Variants in CCDC88C observed in about 807,000 individuals in gnomAD.
The protein encoded by CCDC88C is coiled-coil and HOOK domain protein 88C, also known as protein Daple.
Under a neutral mutation model 198.8 loss-of-function variants are expected in CCDC88C, and 131 were observed. The ratio of observed to expected loss-of-function variants is 0.66; its 90% CI spans 0.57 to 0.76. The LOEUF (loss-of-function observed/expected upper bound fraction) is 0.76, where lower values mean the gene tolerates loss of function less well. Ranked by LOEUF, CCDC88C falls within the 30% of genes least tolerant of loss-of-function variation. CCDC88C has a pLI of 0.00. For synonymous variants in CCDC88C, 1,166 were observed against 1,114.7 expected (o/e 1.05, Z -0.92); for missense variants, 2,553 against 2,631.6 (o/e 0.97, Z 0.65).
In CCDC88C at chr14:91,313,429, C is replaced by G. The variant is rs773601084; in HGVS notation, c.2387G>C (p.Arg796Pro). 1.4e-5 allele frequency: 23 copies of G among 1,607,434 alleles called. No individual in the cohort carries two copies. Among genetic ancestry groups the G allele is most frequent in the Non-Finnish European group, 1.7e-5 (20 of 1,179,650 alleles). Reference protein sequence around the residue: ...ESELGELEAERQALRRDLEAL... With the variant: ...ESELGELEAEPQALRRDLEAL... ...CTCCAGGTCCCGCCGCAGCGCCTGG[C>G]GCTCAGCCTCCAGCTCGCCCAGCTC... The change falls in exon 15 of 30, where the codon CGC becomes CCC. Residue 796 changes from arginine (R) to proline (P), a missense_variant. Physicochemically the swap from Arg to Pro is moderately radical, Grantham distance 103. Around this residue, in one of 2 missense-constraint regions of CCDC88C, gnomAD observed 1,260 missense variants for 1,412.0 expected, o/e 0.89. Transcript: ENST00000389857. The surrounding 1 kb of genome is among the most constrained non-coding windows in gnomAD (Gnocchi z 5.2).
chr14:91,324,081 C>T (rs946445736), intron 12 of CCDC88C, among the ~76,000 whole-genome samples: 1 of 152,274 alleles, frequency 6.6e-6, no homozygotes, highest in Admixed American at 6.5e-5. Flanking sequence ...ATCACGTGCA[C>T]GGGAACGGTG....
At chr14:91,301,077 C>T (rs573017528) in intron 20 of CCDC88C, among the ~76,000 whole-genome samples, 47 of 152,324 alleles carry the variant, frequency 3.1e-4, no homozygotes, top group African/African-American at 1.1e-3. Context: ...TAACCATTAG[C>T]AATGACCCAA....
At chr14:91,330,843 G>A (rs532129037) in intron 10 of CCDC88C, among the ~76,000 whole-genome samples, 7 of 152,260 alleles carry the variant, frequency 4.6e-5, no homozygotes, top group South Asian at 4.1e-4. Flanking sequence ...TCTGGGACTC[G>A]AGGGTCTATG....
At chr14:91,327,737 T>C (rs964935499) in intron 10 of CCDC88C, among the ~76,000 whole-genome samples, 3 of 152,066 alleles carry the variant, frequency 2.0e-5, no homozygotes, top group Non-Finnish European at 2.9e-5. Flanking sequence ...GGCCCAGCCT[T>C]TTCTCTCTGG....
At chr14:91,357,199 C>A (rs958835850) in intron 4 of CCDC88C, among the ~76,000 whole-genome samples, 3 of 152,178 alleles carry the variant, frequency 2.0e-5, no homozygotes, top group East Asian at 3.9e-4. Flanking sequence ...TCCCTATAAA[C>A]GGAAATGGGC....
chr14:91,288,946 C>A lies in CCDC88C; in HGVS notation c.4441+159G>T, dbSNP rs149262608. The A allele has an allele frequency of 5.0e-3, 3,034 of 602,474 alleles. 73 individuals carry two copies. Among genetic ancestry groups the A allele is most frequent in the African/African-American group, 0.05 (2,700 of 54,416 alleles). 37.3% of individuals were successfully genotyped at this position (602,474 alleles called of 1,614,324 possible). On this transcript the variant is annotated intron_variant, in intron 25 of 29. Coordinates refer to ENST00000389857, the MANE Select transcript of CCDC88C (RefSeq NM_001080414.4). The surrounding 1 kb of genome is among the most constrained non-coding windows in gnomAD (Gnocchi z 4.2). ...GCATTATGGGACAAAACGGTCGCCA[C>A]GCTGAATTTCTACTTGGCTCGTAAC...
intron 3 of CCDC88C, among the ~76,000 whole-genome samples, chr14:91,367,798 A>C (rs1332064175): frequency 6.6e-6 from 1 of 152,142 alleles, no homozygotes; most frequent in Admixed American, 6.5e-5. Flanking sequence ...CCTGAGCATC[A>C]AACTGAACTA....
rs12434475 is a variant in CCDC88C, at chr14:91,272,585, G to T, written c.*40C>A. 58 of 1,570,142 alleles carry T rather than the reference G, an allele frequency of 3.7e-5. No homozygotes were observed. The African/African-American group carries it at 5.7e-4, about 15-fold the overall frequency. On this transcript the variant is annotated 3_prime_UTR_variant, in exon 30 of 30. Coordinates refer to ENST00000389857, the MANE Select transcript of CCDC88C (RefSeq NM_001080414.4). ...AAAGGCCGTGAGAGTCGGAAGGCGC[G>T]TCAGTAGTTTTCAGGTTTGCGAGCT...
At chr14:91,388,787 C>T (rs139843180) in intron 3 of CCDC88C, among the ~76,000 whole-genome samples, 55 of 152,324 alleles carry the variant, frequency 3.6e-4, no homozygotes, top group African/African-American at 1.3e-3. Context: ...ATGTGAACTT[C>T]TCCCTTTGGG....
At chr14:91,405,184 T>C (rs1456974890) in intron 3 of CCDC88C, among the ~76,000 whole-genome samples, 1 of 152,046 alleles carries the variant, frequency 6.6e-6, no homozygotes, top group African/African-American at 2.4e-5. Context: ...AACTTGAGCA[T>C]CCTAGCGACA....
At chr14:91,396,385 C>G (rs1885843089) in intron 3 of CCDC88C, among the ~76,000 whole-genome samples, 1 of 152,166 alleles carries the variant, frequency 6.6e-6, no homozygotes, top group Non-Finnish European at 1.5e-5. Flanking sequence ...ACAAAAGGAA[C>G]TGGTTCCTCC....
intron 25 of CCDC88C, among the ~76,000 whole-genome samples, chr14:91,285,026 C>T (rs1222638696): frequency 6.6e-6 from 1 of 152,190 alleles, no homozygotes; most frequent in Non-Finnish European, 1.5e-5. Flanking sequence ...TTAACTTCAG[C>T]ATCCAAGATG....
intron 12 of CCDC88C, among the ~76,000 whole-genome samples, chr14:91,323,279 A>G (rs1892434246): frequency 1.3e-5 from 2 of 152,176 alleles, no homozygotes; most frequent in Admixed American, 6.5e-5. Flanking sequence ...TCTTAGTAAG[A>G]CAGACAAGAA....
chr14:91,401,346 A>ATATATATT (rs1555430009), intron 3 of CCDC88C, among the ~76,000 whole-genome samples: 1 of 127,036 alleles, frequency 7.9e-6, no homozygotes, highest in Non-Finnish European at 1.7e-5. Flanking sequence ...ATATATATAT[A>ATATATATT]TTTTTTGAGA....
At position 91,338,424 on chromosome 14, in the gene CCDC88C, G is replaced by A. The variant is rs2139857986; in HGVS notation, c.891+65C>T. 3.6e-6 allele frequency: 5 copies of A among 1,382,568 alleles called. No individual in the cohort carries two copies. The highest frequency in any genetic ancestry group is 2.5e-5 in the East Asian group (1 of 40,078). 85.6% of individuals were successfully genotyped at this position (1,382,568 alleles called of 1,614,324 possible). A position where few individuals can be genotyped will look rare whatever the true frequency, so the allele number is the denominator to read the frequency against. ...TGCTGTTGAGCTCCTGACCCTCCAG[G>A]CCCCGTTACTGGACACTCCAGCCCT... On this transcript the variant is annotated intron_variant, in intron 9 of 29. Coordinates refer to ENST00000389857, the MANE Select transcript of CCDC88C (RefSeq NM_001080414.4). The surrounding 1 kb of genome is among the most constrained non-coding windows in gnomAD (Gnocchi z 4.8).
At chr14:91,292,294 G>A (rs1890693180) in intron 23 of CCDC88C, among the ~76,000 whole-genome samples, 1 of 152,174 alleles carries the variant, frequency 6.6e-6, no homozygotes, top group Admixed American at 6.5e-5. Flanking sequence ...GAACTCCAGG[G>A]CCCGGAGCAG....
intron 4 of CCDC88C, among the ~76,000 whole-genome samples, chr14:91,357,224 G>A (rs1394575158): frequency 6.6e-6 from 1 of 152,168 alleles, no homozygotes; most frequent in East Asian, 1.9e-4. Flanking sequence ...CCACACCACA[G>A]AAGCACGTTT....
At chr14:91,359,492 A>G in intron 4 of CCDC88C, 150 bp downstream of exon 4, 1 of 661,604 alleles carries the variant, frequency 1.5e-6, no homozygotes, top group Admixed American at 2.5e-5. Context: ...CCTCAGGGTA[A>G]TGAACCCACT....
intron 3 of CCDC88C, chr14:91,384,276 T>C (rs1424504444): frequency 9.6e-3 from 1,212 of 125,692 alleles, no homozygotes; most frequent in Non-Finnish European, 0.016. Flanking sequence ...CATCTCTCTT[T>C]TTTTTTTTTT....
Sources: gnomAD v4.1 joint callset for allele counts (sites outside exome capture counted in the v4.1 genomes callset) on GRCh38, gnomAD v4.1.1 for gene constraint, gnomAD v4.1.1 regional missense constraint, Gnocchi (gnomAD v3.1) non-coding constraint, MANE v1.5 for transcripts, NCBI Gene and HGNC (gene_info 2026-07-23, HGNC 2026-07-21) for gene names.